ARID1A: variants seen among roughly 807,000 people sequenced by gnomAD.
ARID1A encodes the protein AT-rich interaction domain 1A, also known as AT-rich interactive domain-containing protein 1A.
Under a neutral mutation model 212.6 loss-of-function variants are expected in ARID1A, and 20 were observed. That is an observed-to-expected ratio of 0.09 (90% CI 0.07 to 0.14). ARID1A has a LOEUF of 0.14. Ranked by LOEUF, ARID1A falls within the 10% of genes least tolerant of loss-of-function variation. The pLI, the probability that ARID1A is intolerant of heterozygous loss-of-function variation, is 1.00. For missense variants in ARID1A, 2,587 were observed against 3,059.0 expected (o/e 0.85, Z 3.64); for synonymous variants, 1,376 against 1,222.1 (o/e 1.13, Z -2.63).
intron 2 of ARID1A, among the ~76,000 whole-genome samples, chr1:26,730,393 C>T (rs2080662982): frequency 6.6e-6 from 1 of 152,194 alleles, no homozygotes; most frequent in Non-Finnish European, 1.5e-5. Flanking sequence ...GAACCATTCA[C>T]ATCATTATCT....
chr1:26,745,569 A>C (rs1468376469), intron 4 of ARID1A, among the ~76,000 whole-genome samples: 1 of 151,976 alleles, frequency 6.6e-6, no homozygotes, highest in East Asian at 1.9e-4. Context: ...CAATACTGAC[A>C]CCCCATTCCC....
chr1:26,707,603 A>G (rs1435987048), intron 1 of ARID1A, among the ~76,000 whole-genome samples: 1 of 152,052 alleles, frequency 6.6e-6, no homozygotes, highest in East Asian at 1.9e-4. Flanking sequence ...TTGACCTCCC[A>G]AAGTGCTGGG....
chr1:26,738,116 C>T (rs571599786), intron 4 of ARID1A, among the ~76,000 whole-genome samples: 76 of 151,852 alleles, frequency 5.0e-4, no homozygotes, highest in African/African-American at 1.4e-3. Flanking sequence ...TTCCGCCTCC[C>T]GGGTTCAAAC....
chr1:26,696,656 G>GGCGGCGGAGCCGGCA lies in ARID1A; in HGVS notation c.261_275dup (p.Ala88_Gly92dup), dbSNP rs2080257947. 2 of 1,315,302 alleles carry GGCGGCGGAGCCGGCA rather than the reference G, an allele frequency of 1.5e-6. No individual in the cohort carries two copies. The highest frequency in any genetic ancestry group is 1.9e-6 in the Non-Finnish European group (2 of 1,036,014). 81.5% of individuals were successfully genotyped at this position (1,315,302 alleles called of 1,614,324 possible). ...GGCCGAGAGCAATGGGGGTGGCGGC[G>GGCGGCGGAGCCGGCA]GCGGCGGAGCCGGCAGCGGCGGCGG... On this transcript the variant is annotated inframe_insertion, in exon 1 of 20. Transcript: ENST00000324856.
intron 1 of ARID1A, among the ~76,000 whole-genome samples, chr1:26,697,811 GGTGCGGGGCAGAGT>G (rs953943028): frequency 1.3e-5 from 2 of 151,480 alleles, no homozygotes; most frequent in Non-Finnish European, 3.0e-5. Flanking sequence ...TCTTGATGGG[GGTGCGGGGCAGAGT>G]GTGCGGGGAA....
intron 1 of ARID1A, among the ~76,000 whole-genome samples, chr1:26,710,888 G>T (rs1347182119): frequency 6.6e-6 from 1 of 152,190 alleles, no homozygotes; most frequent in Non-Finnish European, 1.5e-5. Flanking sequence ...CTAGGGGAGT[G>T]TGTTAGTTTG....
intron 1 of ARID1A, chr1:26,729,026 A>G (rs2080647193): frequency 6.6e-6 from 1 of 152,352 alleles, no homozygotes; most frequent in Non-Finnish European, 1.5e-5. Flanking sequence ...TCAAAGAGAT[A>G]AAAGTTCTGT....
intron 4 of ARID1A, among the ~76,000 whole-genome samples, chr1:26,742,648 G>T (rs2080799000): frequency 6.6e-6 from 1 of 152,116 alleles, no homozygotes; most frequent in Admixed American, 6.6e-5. Context: ...GAGACCCTGA[G>T]AGCTGAGAGT....
chr1:26,746,944 CA>C (rs952102251), intron 4 of ARID1A, among the ~76,000 whole-genome samples: 2 of 151,858 alleles, frequency 1.3e-5, no homozygotes, highest in African/African-American at 4.8e-5. Context: ...GAGGCTGAGG[CA>C]GGGAGAGAAT....
chr1:26,715,561 A>T (rs1309561300), intron 1 of ARID1A, among the ~76,000 whole-genome samples: 2 of 152,204 alleles, frequency 1.3e-5, no homozygotes, highest in African/African-American at 4.8e-5. Context: ...TTTTGAGCAT[A>T]TATTGGGATG....
Position 26,696,330 on chromosome 1 carries a change from C to A in ARID1A, c.-74C>A, listed in dbSNP as rs2124739325. 1 of 1,196,028 alleles carries A rather than the reference C, an allele frequency of 8.4e-7. No individual in the cohort carries two copies. Among genetic ancestry groups the A allele is most frequent in the East Asian group, 3.5e-5 (1 of 28,732 alleles). 74.1% of individuals were successfully genotyped at this position (1,196,028 alleles called of 1,614,324 possible). On this transcript the variant is annotated 5_prime_UTR_variant, in exon 1 of 20. Transcript: ENST00000324856. ...GGGAGGGCAGCCCGGGGGACTGGGC[C>A]CCGGGGCGGGGTGGGAGGGGGGGAG...
chr1:26,728,579 A>G (rs2080641530), intron 1 of ARID1A, among the ~76,000 whole-genome samples: 1 of 152,202 alleles, frequency 6.6e-6, no homozygotes, highest in Non-Finnish European at 1.5e-5. Context: ...ATTCTGATGC[A>G]TGCTAAAATC....
intron 4 of ARID1A, among the ~76,000 whole-genome samples, chr1:26,740,490 C>T (rs1164903123): frequency 6.6e-6 from 1 of 152,096 alleles, no homozygotes; most frequent in Non-Finnish European, 1.5e-5. Flanking sequence ...AAGGGAAAGT[C>T]CAGCTTGAAC....
At chr1:26,760,119 G>T (rs778548024) in intron 4 of ARID1A, among the ~76,000 whole-genome samples, 2 of 152,154 alleles carry the variant, frequency 1.3e-5, no homozygotes, top group African/African-American at 4.8e-5. Flanking sequence ...GTAAAGTTTT[G>T]CTATTAGAAA....
Position 26,696,664 on chromosome 1 carries a change from A to G in ARID1A, c.261A>G (p.Gly87=), listed in dbSNP as rs922383490. Residue 87 remains glycine, a synonymous_variant, in exon 1 of 20, where the codon GGA becomes GGG. Transcript: ENST00000324856. ...AESNGGGGGG[G]AGSGGGPGAE... ...GCAATGGGGGTGGCGGCGGCGGCGG[A>G]GCCGGCAGCGGCGGCGGGCCCGGCG... 2 of 1,310,374 alleles carry G rather than the reference A, an allele frequency of 1.5e-6. No individual in the cohort carries two copies. Among genetic ancestry groups the G allele is most frequent in the South Asian group, 2.2e-5 (1 of 44,898 alleles). The allele number at this position is 1,310,374 out of a possible 1,614,324, so 81.2% of individuals were successfully genotyped here.
At chr1:26,734,236 G>A (rs1384520087) in intron 4 of ARID1A, among the ~76,000 whole-genome samples, 3 of 152,064 alleles carry the variant, frequency 2.0e-5, no homozygotes, top group Non-Finnish European at 4.4e-5. Flanking sequence ...AGGTGCTATT[G>A]TGTCAAGAAC....
rs2124792581 is a variant in ARID1A at position 26,732,743 on chromosome 1, G to A, written c.1871G>A (p.Gly624Glu). Residue 624 changes from glycine (G) to glutamate (E), a missense_variant, in exon 4 of 20, where the codon GGG becomes GAG. Transcript: ENST00000324856. ...CCCTCAATGACCTCCAGTAAGGGAG[G>A]GCAAGAAGATATGAACCTGAGCCTT... is the stretch of plus-strand genomic sequence containing the variant. ...SAPSMTSSKG[G>E]QEDMNLSLQS... 6.2e-7 allele frequency: 1 copy of A among 1,614,026 alleles called. No individual in the cohort carries two copies. Among genetic ancestry groups the A allele is most frequent in the Non-Finnish European group, 8.5e-7 (1 of 1,179,984 alleles).
At chr1:26,703,169 G>C (rs868725608) in intron 1 of ARID1A, among the ~76,000 whole-genome samples, 1 of 152,030 alleles carries the variant, frequency 6.6e-6, no homozygotes, top group Non-Finnish European at 1.5e-5. Flanking sequence ...TCTGTTCCTG[G>C]GTCAGTACAA....
In ARID1A at chr1:26,697,559, A is replaced by AG; in HGVS notation, c.1137+24dup. On this transcript the variant is annotated intron_variant, in intron 1 of 19. Coordinates refer to ENST00000324856, the MANE Select transcript of ARID1A (RefSeq NM_006015.6). ...CCCTCAGGTACACAGCTGAGTGGGG[A>AG]GGGGGCTGGGGCGAGCGTGGTCCTG... is the stretch of plus-strand genomic sequence containing the variant. The AG allele has an allele frequency of 1.5e-6, 2 of 1,326,842 alleles. No individual in the cohort carries two copies. The highest frequency in any genetic ancestry group is 1.9e-6 in the Non-Finnish European group (2 of 1,045,684). The allele number at this position is 1,326,842 out of a possible 1,614,324, so 82.2% of individuals were successfully genotyped here.
Sources: allele counts gnomAD v4.1 joint callset (sites outside exome capture counted in the v4.1 genomes callset), GRCh38; gene constraint gnomAD v4.1.1; transcripts MANE v1.5; gene names NCBI Gene and HGNC (gene_info 2026-07-23, HGNC 2026-07-21).